Variants in AKAP7 observed in about 807,000 individuals in gnomAD.
The protein encoded by AKAP7 is A-kinase anchoring protein 7.
In AKAP7, 39 loss-of-function variants were observed where a neutral mutation model predicts 39.5. The observed-to-expected ratio is 0.99, with a 90% CI of 0.76 to 1.29. AKAP7 has a LOEUF of 1.29. Among genes scored for constraint, AKAP7 ranks in the 50% most tolerant of loss-of-function variants. AKAP7 has a pLI of 0.00. For synonymous variants in AKAP7, 140 were observed against 139.1 expected, an observed-to-expected ratio of 1.01 and a Z score of -0.05; for missense variants, 414 against 407.7, an observed-to-expected ratio of 1.02 and a Z score of -0.13.
intron 7 of AKAP7, among the ~76,000 whole-genome samples, chr6:131,221,527 A>G (rs190479595): frequency 1.2e-3 from 177 of 152,326 alleles, no homozygotes; most frequent in Middle Eastern, 3.4e-3. Context: ...ACAGCCTTCT[A>G]TTGGAAGAAG....
intron 2 of AKAP7, among the ~76,000 whole-genome samples, chr6:131,151,551 C>G (rs1189571346): frequency 2.0e-5 from 3 of 151,314 alleles, no homozygotes; most frequent in Non-Finnish European, 4.4e-5. Context: ...TTGAGACCAG[C>G]CTGGCCAACA....
chr6:131,204,013 C>G (rs1349499319), intron 6 of AKAP7, among the ~76,000 whole-genome samples: 1 of 152,100 alleles, frequency 6.6e-6, no homozygotes, highest in Non-Finnish European at 1.5e-5. Flanking sequence ...ACAATTTATA[C>G]TCCCAACCGT....
At chr6:131,249,387 A>G (rs916033256) in intron 7 of AKAP7, among the ~76,000 whole-genome samples, 1 of 152,024 alleles carries the variant, frequency 6.6e-6, no homozygotes, top group African/African-American at 2.4e-5. Context: ...AAAATTGACA[A>G]TTTTCATTTT....
chr6:131,174,595 A>G (rs1356002289), intron 5 of AKAP7, among the ~76,000 whole-genome samples: 1 of 152,242 alleles, frequency 6.6e-6, no homozygotes, highest in African/African-American at 2.4e-5. Context: ...CCCATCTCAA[A>G]AAAAGAATGC....
At chr6:131,226,844 C>T (rs1318761033) in intron 7 of AKAP7, among the ~76,000 whole-genome samples, 1 of 152,140 alleles carries the variant, frequency 6.6e-6, no homozygotes, top group Non-Finnish European at 1.5e-5. Context: ...TTTCTGGGAA[C>T]ACTTGTTTCT....
At chr6:131,209,408 G>T (rs545543197) in intron 6 of AKAP7, among the ~76,000 whole-genome samples, 36 of 152,096 alleles carry the variant, frequency 2.4e-4, no homozygotes, top group African/African-American at 8.7e-4. Context: ...CCGCCACCAT[G>T]CCCGGCTAAT....
chr6:131,161,052 G>A (rs1322199989), intron 3 of AKAP7, among the ~76,000 whole-genome samples: 1 of 152,108 alleles, frequency 6.6e-6, no homozygotes, highest in Non-Finnish European at 1.5e-5. Context: ...CTTTGACCAG[G>A]CACATTTCCA....
intron 5 of AKAP7, chr6:131,185,426 A>G (rs919532755): frequency 1.0e-5 from 5 of 487,480 alleles, no homozygotes; most frequent in African/African-American, 3.9e-5. Context: ...GCCCTGCTCC[A>G]TGGCATCTTT....
Position 131,165,173 on chromosome 6 carries a change from T to G in AKAP7, c.384T>G (p.Ile128Met). 1 of 1,610,460 alleles carries G rather than the reference T, an allele frequency of 6.2e-7. No individual in the cohort carries two copies. Among genetic ancestry groups the G allele is most frequent in the Non-Finnish European group, 8.5e-7 (1 of 1,177,494 alleles). ...KAMVSDGSFH[I>M]TLLVMQLLNE... ...TGGTCAGTGATGGTTCCTTTCATATTACCCTGCTGGTGATGCAATTATTAA... is the reference window on the plus strand; with the variant it reads ...TGGTCAGTGATGGTTCCTTTCATATGACCCTGCTGGTGATGCAATTATTAA... Residue 128 changes from isoleucine (I) to methionine (M), a missense_variant, in exon 4 of 8, where the codon ATT becomes ATG. Physicochemically the swap from Ile to Met is conservative, Grantham distance 10 (BLOSUM62 1). Coordinates refer to ENST00000431975, the MANE Select transcript of AKAP7 (RefSeq NM_016377.4).
At chr6:131,170,263 A>G (rs1197289998) in intron 5 of AKAP7, among the ~76,000 whole-genome samples, 3 of 151,054 alleles carry the variant, frequency 2.0e-5, no homozygotes, top group Middle Eastern at 3.4e-3. Flanking sequence ...TAACCTGCAC[A>G]TTGTGCACAT....
At chr6:131,201,110 T>C (rs1408112443) in intron 6 of AKAP7, among the ~76,000 whole-genome samples, 1 of 152,186 alleles carries the variant, frequency 6.6e-6, no homozygotes, top group Non-Finnish European at 1.5e-5. Context: ...GGAATGGTTG[T>C]GATGTAACTG....
intron 3 of AKAP7, among the ~76,000 whole-genome samples, chr6:131,161,281 G>A (rs1802918602): frequency 6.6e-6 from 1 of 152,054 alleles, no homozygotes; most frequent in African/African-American, 2.4e-5. Flanking sequence ...TAGATTTGAT[G>A]TACTGAAGAA....
At chr6:131,223,996 T>C (rs960269241) in intron 7 of AKAP7, among the ~76,000 whole-genome samples, 1 of 152,202 alleles carries the variant, frequency 6.6e-6, no homozygotes, top group African/African-American at 2.4e-5. Flanking sequence ...TTATTGCTGT[T>C]ACACTTTCTA....
upstream of AKAP7, among the ~76,000 whole-genome samples, chr6:131,132,170 G>A (rs1584911444): frequency 6.6e-6 from 1 of 151,906 alleles, no homozygotes; most frequent in East Asian, 1.9e-4. Context: ...AAAATTAGCC[G>A]GGCGTGGTGG....
intron 2 of AKAP7, among the ~76,000 whole-genome samples, chr6:131,152,955 C>T (rs1584956465): frequency 6.6e-6 from 1 of 151,766 alleles, no homozygotes. Flanking sequence ...GGTGAAACCC[C>T]GTCTCTACTA....
intron 7 of AKAP7, among the ~76,000 whole-genome samples, chr6:131,270,932 T>C (rs898255058): frequency 6.6e-6 from 1 of 152,242 alleles, no homozygotes; most frequent in Non-Finnish European, 1.5e-5. Flanking sequence ...CTTTTCTTAC[T>C]GTTAAGTAGT....
chr6:131,221,609 G>A (rs142053124), intron 7 of AKAP7, among the ~76,000 whole-genome samples: 8 of 152,302 alleles, frequency 5.3e-5, no homozygotes, highest in South Asian at 2.1e-4. Context: ...AGAACAGGCC[G>A]ACTCTCTTGT....
At chr6:131,223,780 A>G (rs566716596) in intron 7 of AKAP7, among the ~76,000 whole-genome samples, 19 of 152,262 alleles carry the variant, frequency 1.2e-4, no homozygotes, top group African/African-American at 4.3e-4. Flanking sequence ...ATATGTTGAT[A>G]TTGCTGAAAA....
intron 1 of AKAP7, among the ~76,000 whole-genome samples, chr6:131,139,099 A>C (rs879750889): frequency 3.3e-5 from 5 of 152,336 alleles, no homozygotes; most frequent in Non-Finnish European, 5.9e-5. Flanking sequence ...TACCTTCTAT[A>C]AGAGAAAGTG....
Sources: allele counts gnomAD v4.1 joint callset (sites outside exome capture counted in the v4.1 genomes callset), GRCh38; gene constraint gnomAD v4.1.1; transcripts MANE v1.5; gene names NCBI Gene and HGNC (gene_info 2026-07-23, HGNC 2026-07-21).